The following HEATR4 variants were observed in gnomAD, a reference collection of about 807,000 sequenced individuals.
The protein encoded by HEATR4 is HEAT repeat containing 4.
Under a neutral mutation model 108.8 loss-of-function variants are expected in HEATR4, and 95 were observed. That is an observed-to-expected ratio of 0.87 (90% confidence interval 0.74 to 1.04). HEATR4 has a LOEUF of 1.04. Ranked by LOEUF, HEATR4 falls within the 50% of genes least tolerant of loss-of-function variation. The pLI is 0.00. For synonymous variants in HEATR4, 443 were observed against 459.4 expected (o/e 0.96, Z 0.46); for missense variants, 1,152 against 1,253.8 (o/e 0.92, Z 1.23).
At chr14:73,628,651 G>A in the HEATR4 span, among the ~76,000 whole-genome samples, 6 of 152,248 alleles carry the variant, frequency 3.9e-5, no homozygotes, top group Non-Finnish European at 7.4e-5. Flanking sequence ...TACTTGGGAG[G>A]CTGAGGTAGG....
chr14:73,510,215 G>A (rs1280201762), intron 7 of HEATR4, among the ~76,000 whole-genome samples: 2 of 151,880 alleles, frequency 1.3e-5, no homozygotes, highest in African/African-American at 4.8e-5. Flanking sequence ...ATAATATAGT[G>A]TTTTTACATT....
chr14:73,613,927 G>A, the HEATR4 span, among the ~76,000 whole-genome samples: 1 of 150,692 alleles, frequency 6.6e-6, no homozygotes, highest in Non-Finnish European at 1.5e-5. Flanking sequence ...CAGTGGCTCA[G>A]GCCTGTAATC....
At chr14:73,503,181 T>C (rs1200970820) in intron 10 of HEATR4, among the ~76,000 whole-genome samples, 168 bp from the exon 11 acceptor site, 3 of 152,182 alleles carry the variant, frequency 2.0e-5, no homozygotes, top group East Asian at 3.8e-4. Context: ...GGGGCAGATA[T>C]TACTACCATT....
At chr14:73,556,425 CAA>C (rs1206186630) in intron 1 of HEATR4, among the ~76,000 whole-genome samples, 2 of 75,282 alleles carry the variant, frequency 2.7e-5, no homozygotes, top group African/African-American at 4.1e-5. Flanking sequence ...AACTTCTTCT[CAA>C]AAAAAAAAAA....
intron 11 of HEATR4, 124 bp from the exon 12 acceptor site, chr14:73,500,854 G>A: frequency 2.5e-6 from 2 of 810,766 alleles, no homozygotes; most frequent in East Asian, 5.3e-5. Context: ...TCAGCCTTAT[G>A]CTCATGAGAT....
In HEATR4 at chr14:73,492,596, C is replaced by T. The variant is rs1450062332; in HGVS notation, c.2844+470G>A. On this transcript the variant is annotated intron_variant, in intron 17 of 17. Coordinates refer to ENST00000553558, the MANE Select transcript of HEATR4 (RefSeq NM_001220484.1). This position sits in a 1 kb window ranked among gnomAD's most constrained non-coding sequence, Gnocchi z 4.9. ...GAGGGCACTAAGTGTTTACGGGCTT[C>T]CAATTCGCTGGGAGGCTGGAGAACC... 1 of 1,613,774 alleles carries T rather than the reference C, an allele frequency of 6.2e-7. No individual in the cohort carries two copies. Among genetic ancestry groups the T allele is most frequent in the African/African-American group, 1.3e-5 (1 of 74,892 alleles).
chr14:73,579,517 G>A, the HEATR4 span, among the ~76,000 whole-genome samples: 4 of 149,962 alleles, frequency 2.7e-5, no homozygotes, highest in South Asian at 8.5e-4. Context: ...GGAGGTTGTG[G>A]TGAGCCGAGA....
the HEATR4 span, among the ~76,000 whole-genome samples, chr14:73,616,409 T>A: frequency 3.9e-5 from 6 of 152,026 alleles, no homozygotes; most frequent in Non-Finnish European, 8.8e-5. Flanking sequence ...TAAAAAGTTT[T>A]AGGCCGGTTG....
the HEATR4 span, among the ~76,000 whole-genome samples, chr14:73,594,392 A>G: frequency 6.6e-6 from 1 of 152,258 alleles, no homozygotes; most frequent in Non-Finnish European, 1.5e-5. Context: ...TGAAGACTTC[A>G]GTCAGACCTA....
At chr14:73,572,059 TGCTA>T in the HEATR4 span, among the ~76,000 whole-genome samples, 1,150 of 150,542 alleles carry the variant, frequency 7.6e-3, 14 homozygotes, top group African/African-American at 0.027. Flanking sequence ...TGAAACTCAC[TGCTA>T]GAAGGAGCAA....
At chr14:73,517,084 C>A (rs1408881309) in intron 5 of HEATR4, 1 of 152,326 alleles carries the variant, frequency 6.6e-6, no homozygotes, top group Non-Finnish European at 1.5e-5. Flanking sequence ...AGTTCGAGAC[C>A]AGTCTGGGCA....
At position 73,509,482 on chromosome 14, in the gene HEATR4, A is replaced by C. The variant is rs1261269226; in HGVS notation, c.1559-9T>G. 2 of 1,613,416 alleles carry C rather than the reference A, an allele frequency of 1.2e-6. No individual in the cohort carries two copies. The highest frequency in any genetic ancestry group is 1.1e-5 in the South Asian group (1 of 91,062). ...GTCCTGGATGGTCTTGTCTGTGATCAAAAGAGCCAGGTAAGAGAGTACTAG... is the reference window on the plus strand; with the variant it reads ...GTCCTGGATGGTCTTGTCTGTGATCCAAAGAGCCAGGTAAGAGAGTACTAG... On this transcript the variant is annotated splice_polypyrimidine_tract_variant and intron_variant, in intron 7 of 17. Coordinates refer to ENST00000553558, the MANE Select transcript of HEATR4 (RefSeq NM_001220484.1).
chr14:73,593,914 A>G, the HEATR4 span: 36 of 1,601,510 alleles, frequency 2.2e-5, no homozygotes, highest in Non-Finnish European at 2.9e-5. Context: ...GGTTCTCCTC[A>G]TGTCCTTTAT....
the HEATR4 span, chr14:73,596,001 T>C: frequency 5.6e-6 from 1 of 179,130 alleles, no homozygotes; most frequent in African/African-American, 2.4e-5. Flanking sequence ...ATGTTTGCTG[T>C]TCAACCATCA....
At chr14:73,496,749 T>C (rs192125701) in intron 14 of HEATR4, 70 bp from the exon 15 acceptor site, 13 of 857,544 alleles carry the variant, frequency 1.5e-5, no homozygotes, top group Middle Eastern at 3.0e-4. Flanking sequence ...GTAGAAAATA[T>C]AGGACTTGGA....
At chr14:73,507,820 G>A (rs1886949893) in intron 9 of HEATR4, among the ~76,000 whole-genome samples, 1 of 152,076 alleles carries the variant, frequency 6.6e-6, no homozygotes, top group Admixed American at 6.5e-5. Context: ...TCAGCTCACT[G>A]CAACCTTCAC....
the HEATR4 span, among the ~76,000 whole-genome samples, chr14:73,592,678 C>A: frequency 6.6e-6 from 1 of 152,052 alleles, no homozygotes; most frequent in South Asian, 2.1e-4. Context: ...CATGGTGAAA[C>A]GCTGACTCTA....
the HEATR4 span, chr14:73,591,910 T>C: frequency 2.2e-6 from 3 of 1,343,820 alleles, no homozygotes; most frequent in East Asian, 3.1e-5. Context: ...TGCCACGATC[T>C]TGGACGGGTC....
Position 73,492,363 on chromosome 14 carries a change from A to T in HEATR4, c.2844+703T>A, listed in dbSNP as rs770076164. 2 of 1,613,794 alleles carry T rather than the reference A, an allele frequency of 1.2e-6. No homozygotes were observed. The highest frequency in any genetic ancestry group is 4.5e-5 in the East Asian group (2 of 44,872). On this transcript the variant is annotated intron_variant, in intron 17 of 17. Coordinates refer to ENST00000553558, the MANE Select transcript of HEATR4 (RefSeq NM_001220484.1). This position sits in a 1 kb window ranked among gnomAD's most constrained non-coding sequence, Gnocchi z 4.9. ...CAGGCTGCAATGGAAGAAAATGTGG[A>T]GTTTCGGAGGGGTCTGCCCCGAGAC...
Sources: gnomAD v4.1 joint callset for allele counts (sites outside exome capture counted in the v4.1 genomes callset) on GRCh38, gnomAD v4.1.1 for gene constraint, Gnocchi (gnomAD v3.1) non-coding constraint, MANE v1.5 for transcripts, NCBI Gene and HGNC (gene_info 2026-07-23, HGNC 2026-07-21) for gene names.